Variants in CTNNA1 observed in about 807,000 individuals in gnomAD.
CTNNA1 encodes the protein catenin alpha 1.
A neutral mutation model predicts 98.4 loss-of-function variants in CTNNA1; 37 were observed. That is an observed-to-expected ratio of 0.38 (90% CI 0.29 to 0.49). The LOEUF is 0.49. CTNNA1 is among the 20% of genes least tolerant of loss of function. The pLI is 0.95. For synonymous variants in CTNNA1, 404 were observed against 413.2 expected, an observed-to-expected ratio of 0.98 and a Z score of 0.27; for missense variants, 761 against 1,147.2, an observed-to-expected ratio of 0.66 and a Z score of 4.86.
At chr5:138,810,639 C>A (rs1017740958) in intron 4 of CTNNA1, among the ~76,000 whole-genome samples, 1 of 152,150 alleles carries the variant, frequency 6.6e-6, no homozygotes, top group Non-Finnish European at 1.5e-5. Context: ...ATCCCAAGGC[C>A]GAAGAATTTT....
intron 7 of CTNNA1, among the ~76,000 whole-genome samples, chr5:138,858,909 T>C (rs1462740823): frequency 6.6e-6 from 1 of 152,246 alleles, no homozygotes; most frequent in Non-Finnish European, 1.5e-5. Context: ...TTTGGCTCTC[T>C]TGTAGTTCAA....
intron 7 of CTNNA1, among the ~76,000 whole-genome samples, chr5:138,849,852 G>T (rs1481652138): frequency 2.0e-5 from 3 of 151,936 alleles, no homozygotes; most frequent in Non-Finnish European, 4.4e-5. Context: ...AAAATAGGCA[G>T]TGCATTTACA....
intron 7 of CTNNA1, among the ~76,000 whole-genome samples, chr5:138,878,978 G>C (rs1423306413): frequency 6.6e-6 from 1 of 152,056 alleles, no homozygotes; most frequent in African/African-American, 2.4e-5. Context: ...TTAGGAGGCT[G>C]AAGTGGGTGG....
intron 7 of CTNNA1, among the ~76,000 whole-genome samples, chr5:138,830,577 A>G (rs781592564): frequency 3.9e-5 from 6 of 152,226 alleles, no homozygotes; most frequent in Non-Finnish European, 5.9e-5. Context: ...TTAGAATGAT[A>G]AAAGGGTCTG....
rs1755325973 is a variant in CTNNA1 at position 138,783,209 on chromosome 5, G to A, written c.138G>A (p.Gly46=). The A allele has an allele frequency of 1.2e-6, 2 of 1,613,398 alleles. No homozygotes were observed. The highest frequency in any genetic ancestry group is 2.2e-5 in the East Asian group (1 of 44,866). Reference sequence around the variant, plus strand: ...CCCTTGTAAACACCAATAGTAAAGGGCCCTCTAATAAGAAGAGAGGTCGTT... The same window carrying A: ...CCCTTGTAAACACCAATAGTAAAGGACCCTCTAATAAGAAGAGAGGTCGTT... ...VTTLVNTNSK[G]PSNKKRGRSK... The change falls in exon 3 of 18, where the codon GGG becomes GGA. Residue 46 remains glycine, a synonymous_variant. Transcript: ENST00000302763.
chr5:138,776,757 A>G (rs1258572953), intron 1 of CTNNA1, among the ~76,000 whole-genome samples: 73 of 94,634 alleles, frequency 7.7e-4, no homozygotes, highest in East Asian at 1.8e-3. Context: ...GCCGGGCAGA[A>G]GCGCCCCTCA....
chr5:138,795,154 A>C (rs1756808191), intron 3 of CTNNA1, among the ~76,000 whole-genome samples: 1 of 15,930 alleles, frequency 6.3e-5, no homozygotes. Flanking sequence ...AGACTCTCAA[A>C]AAAAAAAAAA....
Position 138,874,251 on chromosome 5 carries a change from C to T in CTNNA1, c.1063-11961C>T. 1.2e-6 allele frequency: 2 copies of T among 1,613,986 alleles called. No individual in the cohort carries two copies. Among genetic ancestry groups the T allele is most frequent in the African/African-American group, 1.3e-5 (1 of 75,036 alleles). On this transcript the variant is annotated intron_variant, in intron 7 of 17. Transcript: ENST00000302763. The surrounding 1 kb of genome is among the most constrained non-coding windows in gnomAD (Gnocchi z 4.1). ...TTAAGTTTATATAGTCCTTGAAAAG[C>T]ATCTTCTTTTACTGTTGAAATTTGA...
chr5:138,827,858 A>C, intron 7 of CTNNA1, 140 bp downstream of exon 7: 1 of 966,280 alleles, frequency 1.0e-6, no homozygotes, highest in East Asian at 2.6e-5. Flanking sequence ...TCAGATTTTT[A>C]AAGAAATGGA....
chr5:138,823,457 A>C (rs1214733108), intron 5 of CTNNA1, among the ~76,000 whole-genome samples: 1 of 152,130 alleles, frequency 6.6e-6, no homozygotes, highest in Non-Finnish European at 1.5e-5. Flanking sequence ...ATACGCCTCA[A>C]CTTTATGGCT....
intron 16 of CTNNA1, 149 bp downstream of exon 16, chr5:138,931,084 T>A: frequency 1.6e-6 from 1 of 632,616 alleles, no homozygotes; most frequent in Non-Finnish European, 2.9e-6. Context: ...CATAGATTTG[T>A]AAGGATTCTC....
At position 138,874,637 on chromosome 5, in the gene CTNNA1, C is replaced by G; in HGVS notation, c.1063-11575C>G. On this transcript the variant is annotated intron_variant, in intron 7 of 17. Transcript: ENST00000302763. This position sits in a 1 kb window ranked among gnomAD's most constrained non-coding sequence, Gnocchi z 4.1. ...ATGGGCTATTTAAAAAAAACAACCA[C>G]CACCAACATTATAGCAAAAGATTTC... The G allele has an allele frequency of 1.1e-6, 1 of 881,780 alleles. No individual in the cohort carries two copies. Among genetic ancestry groups the G allele is most frequent in the South Asian group, 1.8e-5 (1 of 54,494 alleles). 54.6% of individuals were successfully genotyped at this position (881,780 alleles called of 1,614,324 possible).
Position 138,929,235 on chromosome 5 carries a change from C to T in CTNNA1, c.1900-11C>T, listed in dbSNP as rs750754229. The T allele has an allele frequency of 2.6e-5, 38 of 1,462,998 alleles. No individual in the cohort carries two copies. The South Asian group carries it at 3.9e-4, about 15-fold the overall frequency. 90.6% of individuals were successfully genotyped at this position (1,462,998 alleles called of 1,614,324 possible). A position where few individuals can be genotyped will look rare whatever the true frequency, so the allele number is the denominator to read the frequency against. ...GATGTGTCTGACCTGTGATCTTTGT[C>T]TGGGTGGCAGACCCCTGAGGAGTTG... On this transcript the variant is annotated splice_polypyrimidine_tract_variant and intron_variant, in intron 13 of 17. Transcript: ENST00000302763.
rs1424450563 is a variant in CTNNA1, at chr5:138,796,828, T to G, written c.302-13210T>G. 2.0e-5 allele frequency among the ~76,000 whole-genome samples: 3 copies of G among 152,362 alleles called. No homozygotes were observed. The East Asian group carries it at 5.8e-4, about 29-fold the overall frequency. On this transcript the variant is annotated intron_variant, in intron 3 of 17. Coordinates refer to ENST00000302763, the MANE Select transcript of CTNNA1 (RefSeq NM_001903.5). The stretch of plus-strand genomic sequence containing the variant: ...GTTTGCAGAAGCATATTCAGGTGGA[T>G]GTCTTTAAAATCTCTTTTCTCTTTT...
intron 5 of CTNNA1, among the ~76,000 whole-genome samples, chr5:138,817,819 C>T (rs938794189): frequency 1.4e-4 from 21 of 152,004 alleles, no homozygotes; most frequent in African/African-American, 4.8e-4. Context: ...CATTTACATC[C>T]TGATTTTGGT....
intron 7 of CTNNA1, among the ~76,000 whole-genome samples, chr5:138,837,979 TC>T (rs1231139705): frequency 4.0e-5 from 6 of 151,688 alleles, no homozygotes; most frequent in Non-Finnish European, 8.8e-5. Flanking sequence ...TGCTATTTGG[TC>T]CTTTATAGAA....
rs1307799059 is a variant in CTNNA1 at position 138,781,934 on chromosome 5, G to C, written c.10G>C (p.Val4Leu). Reference sequence around the variant, plus strand: ...TGTTTCTTATTTAGAAATGACTGCTGTCCATGCAGGCAACATAAACTTCAA... The same window carrying C: ...TGTTTCTTATTTAGAAATGACTGCTCTCCATGCAGGCAACATAAACTTCAA... MTA[V>L]HAGNINFKWD... Residue 4 changes from valine to leucine, a missense_variant, in exon 2 of 18, where the codon GTC becomes CTC. By Grantham distance (32) the Val-to-Leu change is conservative. This residue lies in a region of CTNNA1 where 328 missense variants were observed against 354.3 expected (regional missense o/e 0.93). Transcript: ENST00000302763. 1 of 1,587,096 alleles carries C rather than the reference G, an allele frequency of 6.3e-7. No individual in the cohort carries two copies. The highest frequency in any genetic ancestry group is 2.2e-5 in the East Asian group (1 of 44,462).
At chr5:138,824,096 A>G (rs1760388842) in intron 5 of CTNNA1, among the ~76,000 whole-genome samples, 1 of 151,848 alleles carries the variant, frequency 6.6e-6, no homozygotes, top group Admixed American at 6.6e-5. Flanking sequence ...ATCTATATAG[A>G]GTTGTAATCA....
At chr5:138,890,126 C>T (rs747669901) in intron 9 of CTNNA1, among the ~76,000 whole-genome samples, 5 of 152,136 alleles carry the variant, frequency 3.3e-5, no homozygotes, top group Non-Finnish European at 7.4e-5. Flanking sequence ...TTGCCATTTT[C>T]CCTGGGGTGT....
Sources: allele counts gnomAD v4.1 joint callset (sites outside exome capture counted in the v4.1 genomes callset), GRCh38; gene constraint gnomAD v4.1.1; regional missense constraint gnomAD v4.1.1; non-coding constraint Gnocchi (gnomAD v3.1); transcripts MANE v1.5; gene names NCBI Gene and HGNC (gene_info 2026-07-23, HGNC 2026-07-21).